DLG2: variants seen among roughly 807,000 people sequenced by gnomAD.
The protein encoded by DLG2 is discs large MAGUK scaffold protein 2.
DLG2 carries 45 observed loss-of-function variants against 132.5 expected under a neutral mutation model. That is an observed-to-expected ratio of 0.34 (90% CI 0.27 to 0.44). The LOEUF is 0.44. Ranked by LOEUF, DLG2 falls within the 20% of genes least tolerant of loss-of-function variation. DLG2 has a pLI of 1.00. For missense variants in DLG2, 1,045 were observed against 1,196.9 expected (o/e 0.87, Z 1.87); for synonymous variants, 424 against 419.6 (o/e 1.01, Z -0.13).
At chr11:83,936,353 T>A (rs2081430835) in intron 14 of DLG2, among the ~76,000 whole-genome samples, 1 of 152,190 alleles carries the variant, frequency 6.6e-6, no homozygotes, top group Non-Finnish European at 1.5e-5. Context: ...TCTCAATTAT[T>A]TTCACTGCCT....
chr11:83,783,590 C>T (rs2094923642), intron 18 of DLG2, among the ~76,000 whole-genome samples: 1 of 152,154 alleles, frequency 6.6e-6, no homozygotes, highest in African/African-American at 2.4e-5. Context: ...CTTTTATCCA[C>T]TAGTTCATCA....
In DLG2 at chr11:84,289,761, G is replaced by C. The variant is rs1447694554; in HGVS notation, c.520-38470C>G. ...AGGCAGAAGTGGGAGAAATAGTTCT[G>C]AAAGACTAAATGCAAACTGCAAGAT... On this transcript the variant is annotated intron_variant, in intron 7 of 27. Coordinates refer to ENST00000376104, the MANE Select transcript of DLG2 (RefSeq NM_001142699.3). Among the ~76,000 whole-genome samples, 3 of 152,150 alleles carry C rather than the reference G, an allele frequency of 2.0e-5. No homozygotes were observed. The East Asian group carries it at 5.8e-4, about 29-fold the overall frequency.
intron 17 of DLG2, among the ~76,000 whole-genome samples, chr11:83,803,995 CTTGGCATCTGGCTG>C (rs1456189086): frequency 6.6e-6 from 1 of 152,066 alleles, no homozygotes; most frequent in East Asian, 1.9e-4. Context: ...TTATGTGTAT[CTTGGCATCTGGCTG>C]TTGCCCATAA....
intron 4 of DLG2, among the ~76,000 whole-genome samples, chr11:85,198,544 A>C (rs2152545729): frequency 6.6e-6 from 1 of 152,292 alleles, no homozygotes; most frequent in East Asian, 1.9e-4. Context: ...GAATTTTGAG[A>C]AGTAAAATTG....
intron 20 of DLG2, among the ~76,000 whole-genome samples, chr11:83,537,456 T>C (rs1409221512): frequency 6.6e-6 from 1 of 152,138 alleles, no homozygotes; most frequent in Non-Finnish European, 1.5e-5. Context: ...GCCAGCCATA[T>C]GCTGCCATCT....
chr11:85,060,337 C>T (rs932814694), intron 6 of DLG2, among the ~76,000 whole-genome samples: 17 of 149,870 alleles, frequency 1.1e-4, no homozygotes, highest in African/African-American at 4.2e-4. Flanking sequence ...ATATTATATA[C>T]ATATATGTAT....
intron 16 of DLG2, among the ~76,000 whole-genome samples, chr11:83,865,905 T>C (rs1010559142): frequency 3.5e-4 from 54 of 152,152 alleles, no homozygotes; most frequent in African/African-American, 1.2e-3. Flanking sequence ...TGTGCTCTGC[T>C]CAGTCATACA....
At chr11:84,120,743 C>A (rs2093871075) in intron 9 of DLG2, among the ~76,000 whole-genome samples, 1 of 152,166 alleles carries the variant, frequency 6.6e-6, no homozygotes, top group Non-Finnish European at 1.5e-5. Context: ...TGGCAACCAA[C>A]AAAATAGAAC....
chr11:84,819,972 G>A (rs887394370), intron 6 of DLG2, among the ~76,000 whole-genome samples: 11 of 151,104 alleles, frequency 7.3e-5, no homozygotes, highest in African/African-American at 2.4e-4. Flanking sequence ...CTACAAAGAG[G>A]TAGGATTTCC....
intron 7 of DLG2, among the ~76,000 whole-genome samples, chr11:84,310,125 T>C (rs2098271951): frequency 6.6e-6 from 1 of 152,194 alleles, no homozygotes; most frequent in Admixed American, 6.5e-5. Flanking sequence ...CTCCCAACCA[T>C]GTAGAACATC....
chr11:83,745,814 A>T (rs541118892), intron 18 of DLG2, among the ~76,000 whole-genome samples: 178 of 151,150 alleles, frequency 1.2e-3, no homozygotes, highest in East Asian at 2.2e-3. Context: ...AAAAAAAAAA[A>T]TTTTTGCAAT....
At chr11:85,559,818 T>TGATTGATA (rs1555183836) in intron 3 of DLG2, among the ~76,000 whole-genome samples, 1 of 144,328 alleles carries the variant, frequency 6.9e-6, no homozygotes, top group African/African-American at 2.5e-5. Flanking sequence ...GTTAGATGAT[T>TGATTGATA]GATAGATAGA....
chr11:84,620,966 T>G (rs1190033914), intron 6 of DLG2, among the ~76,000 whole-genome samples: 1 of 152,080 alleles, frequency 6.6e-6, no homozygotes, highest in Non-Finnish European at 1.5e-5. Context: ...CATGGAAAAA[T>G]GAATAAATAT....
At chr11:83,847,761 A>G (rs180745219) in intron 16 of DLG2, among the ~76,000 whole-genome samples, 2 of 152,254 alleles carry the variant, frequency 1.3e-5, no homozygotes, top group East Asian at 3.9e-4. Context: ...TAAAACCACA[A>G]TTCCACTTGA....
At chr11:85,032,687 C>G (rs577950) in intron 6 of DLG2, among the ~76,000 whole-genome samples, 1 of 152,134 alleles carries the variant, frequency 6.6e-6, no homozygotes, top group Non-Finnish European at 1.5e-5. Flanking sequence ...TAGCCTATCA[C>G]TTCTAGTTTT....
In DLG2 at chr11:85,015,713, T is replaced by C. The variant is rs150679708; in HGVS notation, c.357+95948A>G. Among the ~76,000 whole-genome samples, 3 of 152,310 alleles carry C rather than the reference T, an allele frequency of 2.0e-5. No homozygotes were observed. The East Asian group carries it at 5.8e-4, about 29-fold the overall frequency. On this transcript the variant is annotated intron_variant, in intron 6 of 27. Transcript: ENST00000376104. ...TATAAAGCTCATCATACCGTGCCTG[T>C]TACTTAGAAAGTATATACTCAGTAA...
At chr11:83,600,916 AGT>A (rs772766029) in intron 19 of DLG2, among the ~76,000 whole-genome samples, 4 of 152,216 alleles carry the variant, frequency 2.6e-5, no homozygotes, top group Non-Finnish European at 5.9e-5. Context: ...AAGAATGCCG[AGT>A]GCAATGATAA....
At chr11:85,513,811 T>C (rs1051320232) in intron 3 of DLG2, among the ~76,000 whole-genome samples, 3 of 151,980 alleles carry the variant, frequency 2.0e-5, no homozygotes, top group South Asian at 2.1e-4. Context: ...ATTTAACCTA[T>C]TGATACTTCT....
intron 6 of DLG2, among the ~76,000 whole-genome samples, chr11:84,538,949 C>A (rs529231373): frequency 6.6e-6 from 1 of 152,198 alleles, no homozygotes; most frequent in South Asian, 2.1e-4. Context: ...TATGATATAG[C>A]AGAATTTCTC....
Sources: gnomAD v4.1 joint callset for allele counts (sites outside exome capture counted in the v4.1 genomes callset) on GRCh38, gnomAD v4.1.1 for gene constraint, MANE v1.5 for transcripts, NCBI Gene and HGNC (gene_info 2026-07-23, HGNC 2026-07-21) for gene names.